The following ARHGAP1 variants were observed in gnomAD, a reference collection of about 807,000 sequenced individuals.
ARHGAP1 encodes the protein rho GTPase-activating protein 1.
In ARHGAP1, 23 loss-of-function variants were observed where a neutral mutation model predicts 52.2. That is an observed-to-expected ratio of 0.44 (90% CI 0.32 to 0.62). ARHGAP1 has a LOEUF of 0.62. Among genes scored for constraint, ARHGAP1 ranks in the 20% least tolerant of loss-of-function variants. The probability of loss-of-function intolerance (pLI) is 0.05; values close to 1 mark genes in which losing one functional copy is unlikely to be tolerated. For missense variants in ARHGAP1, 480 were observed against 560.9 expected (o/e 0.86, Z 1.46); for synonymous variants, 210 against 228.4 (o/e 0.92, Z 0.73).
chr11:46,690,319 G>A (rs1008896830), intron 3 of ARHGAP1, among the ~76,000 whole-genome samples: 2 of 151,772 alleles, frequency 1.3e-5, no homozygotes, highest in Non-Finnish European at 2.9e-5. Flanking sequence ...CCCAGGAGAC[G>A]GAGCTTGCAG....
At position 46,688,255 on chromosome 11, in the gene ARHGAP1, C is replaced by A. The variant is rs1395521611; in HGVS notation, c.235G>T (p.Asp79Tyr). Reference sequence around the variant, plus strand: ...ACAATGATCTTCCGCCCATACTTGTCATCTCCTAGGTGTGGAGAAAGATGG... The same window carrying A: ...ACAATGATCTTCCGCCCATACTTGTAATCTCCTAGGTGTGGAGAAAGATGG... ...RHQIVEVAGD[D>Y]KYGRKIIVFS... The change falls in exon 4 of 13, where the codon GAC becomes TAC. Residue 79 changes from aspartate to tyrosine, a missense_variant. By Grantham distance (160) the Asp-to-Tyr change is radical (BLOSUM62 -3). Transcript: ENST00000311956. 2 of 1,613,556 alleles carry A rather than the reference C, an allele frequency of 1.2e-6. No homozygotes were observed. Among genetic ancestry groups the A allele is most frequent in the Non-Finnish European group, 1.7e-6 (2 of 1,179,760 alleles).
chr11:46,686,407 AT>A (rs1831303888), intron 4 of ARHGAP1, among the ~76,000 whole-genome samples: 1 of 151,974 alleles, frequency 6.6e-6, no homozygotes, highest in Admixed American at 6.6e-5. Context: ...TCTGAATTTG[AT>A]TCCAAGCTTC....
chr11:46,687,538 A>G (rs998416931), intron 4 of ARHGAP1: 3 of 152,446 alleles, frequency 2.0e-5, no homozygotes, highest in Middle Eastern at 3.4e-3. Context: ...AAAGAAGGGC[A>G]AGATGGTCTC....
rs2064506737 is a variant in ARHGAP1, at chr11:46,679,448, C to T, written c.1048G>A (p.Val350Met). ...GFLNIDESQR[V>M]PATLQVLQTL... is the part of the protein sequence containing the mutation. Reference sequence around the variant, plus strand: ...TGGAGGACCTGCAGTGTCGCTGGCACCCTCTGGCTTTCATCAATGTCTATG... The same window carrying T: ...TGGAGGACCTGCAGTGTCGCTGGCATCCTCTGGCTTTCATCAATGTCTATG... The change falls in exon 12 of 13, where the codon GTG (valine) becomes ATG (methionine). Residue 350 changes from valine (V) to methionine (M), a missense_variant. By Grantham distance (21) the Val-to-Met change is conservative (BLOSUM62 1). Coordinates refer to ENST00000311956, the MANE Select transcript of ARHGAP1 (RefSeq NM_004308.5). This position sits in a 1 kb window ranked among gnomAD's most constrained non-coding sequence, Gnocchi z 4.4. 1 of 1,614,162 alleles carries T rather than the reference C, an allele frequency of 6.2e-7. No homozygotes were observed. The highest frequency in any genetic ancestry group is 1.1e-5 in the South Asian group (1 of 91,084).
In ARHGAP1 at chr11:46,681,285, C is replaced by T; in HGVS notation, c.536+8G>A. The stretch of plus-strand genomic sequence containing the variant: ...CCGGGACCACCAGCCCTGCCCGTGG[C>T]CACTCACCTGATGAGGGGCTTGAAG... On this transcript the variant is annotated splice_region_variant and intron_variant, in intron 6 of 12. Coordinates refer to ENST00000311956, the MANE Select transcript of ARHGAP1 (RefSeq NM_004308.5). This position sits in a 1 kb window ranked among gnomAD's most constrained non-coding sequence, Gnocchi z 5.7. 6.2e-7 allele frequency: 1 copy of T among 1,610,464 alleles called. No homozygotes were observed. Among genetic ancestry groups the T allele is most frequent in the Non-Finnish European group, 8.5e-7 (1 of 1,176,658 alleles).
intron 4 of ARHGAP1, among the ~76,000 whole-genome samples, chr11:46,685,282 TA>T (rs1163229142): frequency 6.6e-6 from 1 of 151,694 alleles, no homozygotes; most frequent in Non-Finnish European, 1.5e-5. Flanking sequence ...CTAAACTCTC[TA>T]AATTGTAATA....
chr11:46,695,697 G>A lies in ARHGAP1; in HGVS notation c.192C>T (p.Tyr64=), dbSNP rs1289998740. 6.4e-7 allele frequency: 1 copy of A among 1,552,012 alleles called. No individual in the cohort carries two copies. ...LVTHLKWDDP[Y]YDIARHQIVE... ...CGATCTGGTGCCGGGCGATGTCATA[G>A]TATGGGTCATCCCACTTCAGGTGTG... Residue 64 remains tyrosine (Y), a synonymous_variant, in exon 3 of 13, where the codon TAC becomes TAT. Coordinates refer to ENST00000311956, the MANE Select transcript of ARHGAP1 (RefSeq NM_004308.5).
chr11:46,695,462 G>A lies in ARHGAP1; in HGVS notation c.229+198C>T. ...ATTGTAACCCACAAGGAAGAAATTA[G>A]AGTTCAAAGAGCAGAGCTGGAGATC... On this transcript the variant is annotated intron_variant, in intron 3 of 12. Coordinates refer to ENST00000311956, the MANE Select transcript of ARHGAP1 (RefSeq NM_004308.5). 5 of 680,448 alleles carry A rather than the reference G, an allele frequency of 7.3e-6. No homozygotes were observed. The South Asian group carries it at 7.5e-5, about 10-fold the overall frequency. 42.2% of individuals were successfully genotyped at this position (680,448 alleles called of 1,614,324 possible). A position where few individuals can be genotyped will look rare whatever the true frequency, so the allele number is the denominator to read the frequency against.
intron 1 of ARHGAP1, among the ~76,000 whole-genome samples, chr11:46,699,595 T>G (rs1412950723): frequency 6.7e-6 from 1 of 150,314 alleles, no homozygotes; most frequent in Non-Finnish European, 1.5e-5. Flanking sequence ...CCCAGCTACC[T>G]GGGAGGCTGA....
In ARHGAP1 at chr11:46,696,296, A is replaced by G. The variant is rs1156700333; in HGVS notation, c.-49-140T>C. 3.3e-6 allele frequency: 2 copies of G among 614,318 alleles called. No homozygotes were observed. Among genetic ancestry groups the G allele is most frequent in the African/African-American group, 3.7e-5 (2 of 54,094 alleles). 38.1% of individuals were successfully genotyped at this position (614,318 alleles called of 1,614,324 possible). ...TTCCTCAACACTCCTCATCCCCGCC[A>G]AGAGCTCCACGTAGCTCTGGGTTCT... On this transcript the variant is annotated intron_variant, in intron 1 of 12. Coordinates refer to ENST00000311956, the MANE Select transcript of ARHGAP1 (RefSeq NM_004308.5). This position sits in a 1 kb window ranked among gnomAD's most constrained non-coding sequence, Gnocchi z 4.8.
In ARHGAP1 at chr11:46,681,194, G is replaced by C. The variant is rs73451902; in HGVS notation, c.537-85C>G. ...CCCTCAACACCCACCCAGTTCAGACGGAAGCCCAGCCGCACCTGGTGGTCC... is the reference window on the plus strand; with the variant it reads ...CCCTCAACACCCACCCAGTTCAGACCGAAGCCCAGCCGCACCTGGTGGTCC... On this transcript the variant is annotated intron_variant, in intron 6 of 12. Coordinates refer to ENST00000311956, the MANE Select transcript of ARHGAP1 (RefSeq NM_004308.5). This position sits in a 1 kb window ranked among gnomAD's most constrained non-coding sequence, Gnocchi z 5.7. 2.4e-3 allele frequency: 3,732 copies of C among 1,540,024 alleles called. 83 individuals carry two copies. The African/African-American group carries it at 0.045, about 18-fold the overall frequency.
Position 46,680,144 on chromosome 11 carries a change from G to A in ARHGAP1, c.898+61C>T. 1 of 1,547,686 alleles carries A rather than the reference G, an allele frequency of 6.5e-7. No homozygotes were observed. The highest frequency in any genetic ancestry group is 1.1e-5 in the South Asian group (1 of 89,734). ...GACTCTCATTTACAGGGCAGCAGAG[G>A]GCAGAGAAGCCCCCTACCAGTAACA... is the stretch of plus-strand genomic sequence containing the variant. On this transcript the variant is annotated intron_variant, in intron 10 of 12. Coordinates refer to ENST00000311956, the MANE Select transcript of ARHGAP1 (RefSeq NM_004308.5). The surrounding 1 kb of genome is among the most constrained non-coding windows in gnomAD (Gnocchi z 5.9).
At position 46,682,163 on chromosome 11, in the gene ARHGAP1, C is replaced by T. The variant is rs1359302870; in HGVS notation, c.337G>A (p.Asp113Asn). 1 of 1,614,092 alleles carries T rather than the reference C, an allele frequency of 6.2e-7. No homozygotes were observed. Among genetic ancestry groups the T allele is most frequent in the South Asian group, 1.1e-5 (1 of 91,078 alleles). ...GTGTAGTCACTCTCCACGTACTGGT[C>T]CAGGGTGTGCTTCAGGTACCTTCCA... ...KLLGYLKHTL[D>N]QYVESDYTLL... The change falls in exon 5 of 13, where the codon GAC (aspartate) becomes AAC (asparagine). Residue 113 changes from aspartate (D) to asparagine (N), a missense_variant. Coordinates refer to ENST00000311956, the MANE Select transcript of ARHGAP1 (RefSeq NM_004308.5).
At position 46,680,714 on chromosome 11, in the gene ARHGAP1, G is replaced by A. The variant is rs777176464; in HGVS notation, c.669C>T (p.Ser223=). The change falls in exon 8 of 13, where the codon AGC becomes AGT. Residue 223 remains serine, a synonymous_variant. Coordinates refer to ENST00000311956, the MANE Select transcript of ARHGAP1 (RefSeq NM_004308.5). This position sits in a 1 kb window ranked among gnomAD's most constrained non-coding sequence, Gnocchi z 5.9. ...GCATGGGCTTGGGGGCTGTCGCGGGGCTCTTCTGTGTGGATTTCAGGAAGT... is the reference window on the plus strand; with the variant it reads ...GCATGGGCTTGGGGGCTGTCGCGGGACTCTTCTGTGTGGATTTCAGGAAGT... ...YDDFLKSTQK[S]PATAPKPMPP... The A allele has an allele frequency of 1.9e-6, 3 of 1,572,988 alleles. No homozygotes were observed. Among genetic ancestry groups the A allele is most frequent in the Non-Finnish European group, 1.7e-6 (2 of 1,160,118 alleles).
intron 4 of ARHGAP1, 79 bp downstream of exon 4, chr11:46,688,094 A>T: frequency 7.1e-7 from 1 of 1,408,516 alleles, no homozygotes; most frequent in South Asian, 1.2e-5. Context: ...ACAGGCAGGG[A>T]GGGACAGTAA....
In ARHGAP1 at chr11:46,679,739, G is replaced by T; in HGVS notation, c.936C>A (p.His312Gln). The change falls in exon 11 of 13, where the codon CAC (histidine) becomes CAA (glutamine). Residue 312 changes from histidine (H) to glutamine (Q), a missense_variant. By Grantham distance (24) the His-to-Gln change is conservative. Transcript: ENST00000311956. The surrounding 1 kb of genome is among the most constrained non-coding windows in gnomAD (Gnocchi z 4.4). ...PVDFDQYNELHLPAVILKTFL... is the reference protein window; with the variant it reads ...PVDFDQYNELQLPAVILKTFL... ...AGGTCTTGAGGATGACTGCTGGCAGGTGCAGCTCATTGTACTGGTCGAAAT... is the reference window on the plus strand; with the variant it reads ...AGGTCTTGAGGATGACTGCTGGCAGTTGCAGCTCATTGTACTGGTCGAAAT... 2 of 1,613,984 alleles carry T rather than the reference G, an allele frequency of 1.2e-6. No individual in the cohort carries two copies. Among genetic ancestry groups the T allele is most frequent in the South Asian group, 2.2e-5 (2 of 91,088 alleles).
In ARHGAP1 at chr11:46,680,789, T is replaced by C; in HGVS notation, c.636-42A>G. 7.7e-6 allele frequency: 11 copies of C among 1,420,386 alleles called. No homozygotes were observed. Among genetic ancestry groups the C allele is most frequent in the Non-Finnish European group, 1.0e-5 (11 of 1,051,476 alleles). The allele number at this position is 1,420,386 out of a possible 1,614,324, so 88.0% of individuals were successfully genotyped here. A position where few individuals can be genotyped will look rare whatever the true frequency, so the allele number is the denominator to read the frequency against. On this transcript the variant is annotated intron_variant, in intron 7 of 12. Transcript: ENST00000311956. This position sits in a 1 kb window ranked among gnomAD's most constrained non-coding sequence, Gnocchi z 5.9. ...AGGTGGGTCAGGTCCTGCCTGGCTC[T>C]GGAGTCACTCTGCCAATTCAATCAA...
chr11:46,695,749 G>A lies in ARHGAP1; in HGVS notation c.140C>T (p.Ser47Phe), dbSNP rs1043622571. The change falls in exon 3 of 13, where the codon TCC (serine) becomes TTC (phenylalanine). Residue 47 changes from serine to phenylalanine, a missense_variant. By Grantham distance (155) the Ser-to-Phe change is radical. Coordinates refer to ENST00000311956, the MANE Select transcript of ARHGAP1 (RefSeq NM_004308.5). Reference sequence around the variant, plus strand: ...GACAAGTTCCGGGGAGCTGCTTTTGGAGTCATCTGAGGAACACAGCAGGGT... The same window carrying A: ...GACAAGTTCCGGGGAGCTGCTTTTGAAGTCATCTGAGGAACACAGCAGGGT... ...EMPDFPKSDDSKSSSPELVTH... is the reference protein window; with the variant it reads ...EMPDFPKSDDFKSSSPELVTH... 6.4e-7 allele frequency: 1 copy of A among 1,552,494 alleles called. No homozygotes were observed. The highest frequency in any genetic ancestry group is 1.2e-5 in the South Asian group (1 of 84,220).
At position 46,678,993 on chromosome 11, in the gene ARHGAP1, A is replaced by T; in HGVS notation, c.*44T>A. ...CCCTGATGCCAGGAGGAAGAGTCCA[A>T]ACCCGGGCTACCAGAGAAGGGGCTG... On this transcript the variant is annotated 3_prime_UTR_variant, in exon 13 of 13. Transcript: ENST00000311956. 1 of 1,603,574 alleles carries T rather than the reference A, an allele frequency of 6.2e-7. No homozygotes were observed. The highest frequency in any genetic ancestry group is 8.5e-7 in the Non-Finnish European group (1 of 1,172,634).
Sources: gnomAD v4.1 joint callset for allele counts (sites outside exome capture counted in the v4.1 genomes callset) on GRCh38, gnomAD v4.1.1 for gene constraint, Gnocchi (gnomAD v3.1) non-coding constraint, MANE v1.5 for transcripts, NCBI Gene and HGNC (gene_info 2026-07-23, HGNC 2026-07-21) for gene names.